GRAMD1B: variants seen among roughly 807,000 people sequenced by gnomAD.
The protein encoded by GRAMD1B is GRAM domain containing 1B, also known as protein Aster-B.
Under a neutral mutation model 99.7 loss-of-function variants are expected in GRAMD1B, and 37 were observed. The observed-to-expected ratio is 0.37, with a 90% CI of 0.29 to 0.49. The LOEUF is 0.49. Among genes scored for constraint, GRAMD1B ranks in the 20% least tolerant of loss-of-function variants. The pLI, the probability that GRAMD1B is intolerant of heterozygous loss-of-function variation, is 0.98. For missense variants in GRAMD1B, 888 were observed against 1,009.2 expected (o/e 0.88, Z 1.63); for synonymous variants, 427 against 387.6 (o/e 1.10, Z -1.19).
chr11:123,495,781 C>A (rs983054359), intron 2 of GRAMD1B, among the ~76,000 whole-genome samples: 12 of 150,518 alleles, frequency 8.0e-5, no homozygotes, highest in African/African-American at 2.9e-4. Context: ...TATCTTATAA[C>A]CCATTATTTT....
At chr11:123,597,532 G>A (rs1951431870) in intron 7 of GRAMD1B, among the ~76,000 whole-genome samples, 1 of 152,018 alleles carries the variant, frequency 6.6e-6, no homozygotes, top group South Asian at 2.1e-4. Flanking sequence ...CCTCATCCTG[G>A]GGTAATACTC....
intron 1 of GRAMD1B, among the ~76,000 whole-genome samples, chr11:123,443,827 C>A (rs370319817): frequency 6.6e-6 from 1 of 152,188 alleles, no homozygotes; most frequent in African/African-American, 2.4e-5. Context: ...GTGATCCACC[C>A]GCCTTGGCCT....
chr11:123,447,078 C>T (rs1284563196), intron 1 of GRAMD1B, among the ~76,000 whole-genome samples: 1 of 151,992 alleles, frequency 6.6e-6, no homozygotes, highest in Non-Finnish European at 1.5e-5. Context: ...AAGTTAATTT[C>T]AGTGGCATAT....
chr11:123,376,811 C>T (rs1308654940), intron 1 of GRAMD1B, among the ~76,000 whole-genome samples: 1 of 152,110 alleles, frequency 6.6e-6, no homozygotes, highest in Non-Finnish European at 1.5e-5. Context: ...TGAATTTTTC[C>T]TCCCACGGTG....
rs530836239 is a variant in GRAMD1B at position 123,491,106 on chromosome 11, G to C, written c.452+10213G>C. Among the ~76,000 whole-genome samples the C allele has an allele frequency of 2.6e-5, 4 of 152,288 alleles. No homozygotes were observed. In the East Asian group the frequency reaches 7.7e-4, roughly 29 times the overall value. On this transcript the variant is annotated intron_variant, in intron 2 of 19. Transcript: ENST00000635736. ...CCAGCACTTTGGGAGGCTGAGGTGG[G>C]TGGATCACCTGAGGTCGGGAGTTTG...
intron 2 of GRAMD1B, among the ~76,000 whole-genome samples, chr11:123,501,332 C>T (rs1029031355): frequency 9.2e-5 from 14 of 151,788 alleles, no homozygotes; most frequent in South Asian, 4.2e-4. Context: ...CACCATGCCA[C>T]GCTAATTTTT....
At chr11:123,380,717 A>G (rs1178034126) in intron 1 of GRAMD1B, among the ~76,000 whole-genome samples, 1 of 151,910 alleles carries the variant, frequency 6.6e-6, no homozygotes. Context: ...CCTCCTTTGG[A>G]TCTCTTGGCC....
At chr11:123,433,489 G>A (rs185722840) in intron 1 of GRAMD1B, among the ~76,000 whole-genome samples, 2 of 152,306 alleles carry the variant, frequency 1.3e-5, no homozygotes, top group Non-Finnish European at 2.9e-5. Context: ...CATATATACT[G>A]AGGACAAAAT....
intron 1 of GRAMD1B, among the ~76,000 whole-genome samples, chr11:123,369,175 C>T (rs1175217805): frequency 6.6e-6 from 1 of 152,036 alleles, no homozygotes; most frequent in Non-Finnish European, 1.5e-5. Flanking sequence ...GTGGCATGCA[C>T]CTGCAGTCTC....
intron 2 of GRAMD1B, chr11:123,525,662 C>T (rs186863927): frequency 1.2e-4 from 22 of 178,270 alleles, no homozygotes; most frequent in African/African-American, 4.5e-4. Context: ...CGGGAGCTGC[C>T]GCCTGGGGGA....
intron 2 of GRAMD1B, among the ~76,000 whole-genome samples, chr11:123,524,398 T>A (rs569164212): frequency 2.5e-3 from 368 of 147,630 alleles, no homozygotes; most frequent in Non-Finnish European, 4.1e-3. Context: ...TAGATTGCAG[T>A]GGTGGGATCT....
At chr11:123,398,846 AATC>A (rs1234419827) in intron 1 of GRAMD1B, among the ~76,000 whole-genome samples, 22 of 152,296 alleles carry the variant, frequency 1.4e-4, no homozygotes, top group African/African-American at 4.8e-4. Context: ...ACATCTGTGA[AATC>A]ATCATCACAA....
At chr11:123,433,604 T>C (rs190187713) in intron 1 of GRAMD1B, among the ~76,000 whole-genome samples, 24 of 152,190 alleles carry the variant, frequency 1.6e-4, no homozygotes, top group African/African-American at 5.5e-4. Flanking sequence ...TAGTAGGCTA[T>C]AATGGTGCCT....
At chr11:123,588,490 A>G (rs1032627602) in intron 4 of GRAMD1B, among the ~76,000 whole-genome samples, 3 of 151,896 alleles carry the variant, frequency 2.0e-5, no homozygotes, top group South Asian at 2.1e-4. Context: ...GCAATACTCA[A>G]ATGTTTTTGG....
At position 123,627,286 on chromosome 11, in the gene GRAMD1B, C is replaced by T. The variant is rs1242497591; in HGVS notation, c.*4691C>T. The T allele has an allele frequency of 2.0e-5, 3 of 152,328 alleles. No individual in the cohort carries two copies. Among genetic ancestry groups the T allele is most frequent in the Non-Finnish European group, 4.4e-5 (3 of 68,108 alleles). 9.4% of individuals were successfully genotyped at this position (152,328 alleles called of 1,614,324 possible). ...GCATCGGCCTGGGGCTTGGGTGCCA[C>T]GTGCTGAGATTGCATAGTCAAAACA... is the stretch of plus-strand genomic sequence containing the variant. On this transcript the variant is annotated 3_prime_UTR_variant, in exon 20 of 20. Coordinates refer to ENST00000635736, the MANE Select transcript of GRAMD1B (RefSeq NM_001387025.1).
chr11:123,531,213 C>T lies in GRAMD1B; in HGVS notation c.453-46154C>T, dbSNP rs73614052. Among the ~76,000 whole-genome samples the T allele has an allele frequency of 3.9e-5, 6 of 152,064 alleles. No homozygotes were observed. The East Asian group carries it at 7.7e-4, about 20-fold the overall frequency. ...TGGGAATTGGAGTTTTCCCGTGGTTCGGTAAGTCCAGGACACTGAGCGCTG... is the reference window on the plus strand; with the variant it reads ...TGGGAATTGGAGTTTTCCCGTGGTTTGGTAAGTCCAGGACACTGAGCGCTG... On this transcript the variant is annotated intron_variant, in intron 2 of 19. Coordinates refer to ENST00000635736, the MANE Select transcript of GRAMD1B (RefSeq NM_001387025.1).
At chr11:123,497,772 G>A (rs1243620702) in intron 2 of GRAMD1B, among the ~76,000 whole-genome samples, 7 of 151,852 alleles carry the variant, frequency 4.6e-5, no homozygotes, top group Non-Finnish European at 2.9e-5. Context: ...ATGGTGGTGG[G>A]TGCCTGTAAT....
chr11:123,603,493 G>C lies in GRAMD1B; in HGVS notation c.1118G>C (p.Ser373Thr). 1 of 1,613,836 alleles carries C rather than the reference G, an allele frequency of 6.2e-7. No homozygotes were observed. The highest frequency in any genetic ancestry group is 1.3e-5 in the African/African-American group (1 of 75,080). The change falls in exon 9 of 20, where the codon AGT becomes ACT. Residue 373 changes from serine to threonine, a missense_variant. Physicochemically the swap from Ser to Thr is moderately conservative, Grantham distance 58. Around this residue, in one of 5 missense-constraint regions of GRAMD1B, gnomAD observed 269 missense variants for 296.6 expected, o/e 0.91. Coordinates refer to ENST00000635736, the MANE Select transcript of GRAMD1B (RefSeq NM_001387025.1). The stretch of plus-strand genomic sequence containing the variant: ...TATGGGAACGAATTGGGCCTGACCA[G>C]TGATGACGAGGACTACGTGCCCCCT... Reference protein sequence around the residue: ...QCYGNELGLTSDDEDYVPPDD... With the variant: ...QCYGNELGLTTDDEDYVPPDD...
intron 3 of GRAMD1B, among the ~76,000 whole-genome samples, chr11:123,579,242 A>G (rs1251708906): frequency 6.6e-6 from 1 of 152,214 alleles, no homozygotes; most frequent in Non-Finnish European, 1.5e-5. Flanking sequence ...AACAAGGCCC[A>G]TGGGGCAAGG....
Sources: gnomAD v4.1 joint callset for allele counts (sites outside exome capture counted in the v4.1 genomes callset) on GRCh38, gnomAD v4.1.1 for gene constraint, gnomAD v4.1.1 regional missense constraint, MANE v1.5 for transcripts, NCBI Gene and HGNC (gene_info 2026-07-23, HGNC 2026-07-21) for gene names.